The following CES5A variants were observed in gnomAD, a reference collection of about 807,000 sequenced individuals.
CES5A encodes the protein carboxylesterase 5A, also known as carboxylesterase 5.
In CES5A, 67 loss-of-function variants were observed where a neutral mutation model predicts 62.9. That is an observed-to-expected ratio of 1.07 (90% CI 0.88 to 1.31). The LOEUF is 1.31. CES5A is among the 50% of genes most tolerant of loss of function. The probability of loss-of-function intolerance (pLI) is 0.00; values close to 1 mark genes in which losing one functional copy is unlikely to be tolerated. For missense variants in CES5A, 748 were observed against 708.5 expected (o/e 1.06, Z -0.63); for synonymous variants, 296 against 280.8 (o/e 1.05, Z -0.54).
At chr16:55,873,765 G>T in intron 2 of CES5A, 68 bp downstream of exon 2, 2 of 1,382,112 alleles carry the variant, frequency 1.4e-6, no homozygotes, top group Non-Finnish European at 2.0e-6. Context: ...TTCACACTGG[G>T]CTGCATGACC....
intron 1 of CES5A, among the ~76,000 whole-genome samples, chr16:55,911,886 G>C (rs1263708347): frequency 3.3e-5 from 5 of 152,182 alleles, no homozygotes; most frequent in African/African-American, 1.2e-4. Context: ...ACCCAGACCA[G>C]TGCCTATGGG....
intron 9 of CES5A, among the ~76,000 whole-genome samples, chr16:55,855,335 G>A (rs1301992159): frequency 6.6e-6 from 1 of 152,236 alleles, no homozygotes; most frequent in African/African-American, 2.4e-5. Flanking sequence ...AGAAAAGAAA[G>A]GAAGGAAAAC....
At chr16:55,880,179 T>A (rs1388003091), upstream of CES5A, among the ~76,000 whole-genome samples, 1 of 152,172 alleles carries the variant, frequency 6.6e-6, no homozygotes, top group Non-Finnish European at 1.5e-5. Context: ...TGGACAGTAG[T>A]GTGCAGGCCC....
rs377427065 is a variant in CES5A, at chr16:55,857,676, A to C, written c.1057-1231T>G. On this transcript the variant is annotated intron_variant, in intron 8 of 12. Transcript: ENST00000290567. ...GGGGTTTAACTGCAAATTCACATGG[A>C]ATTTCAGCACCCACACAGGCTTTTG... 3.0e-4 allele frequency among the ~76,000 whole-genome samples: 46 copies of C among 152,316 alleles called. 1 individual carries two copies. The South Asian group carries it at 9.3e-3, about 31-fold the overall frequency.
At chr16:55,916,779 C>T (rs1270066023) in intron 1 of CES5A, among the ~76,000 whole-genome samples, 4 of 152,218 alleles carry the variant, frequency 2.6e-5, no homozygotes, top group Non-Finnish European at 5.9e-5. Flanking sequence ...CTCCTGCTGC[C>T]TAGTCAGGAA....
intron 1 of CES5A, among the ~76,000 whole-genome samples, chr16:55,905,649 C>T (rs1275339221): frequency 3.9e-5 from 6 of 151,996 alleles, no homozygotes; most frequent in African/African-American, 2.4e-5. Context: ...CATGAGCCAC[C>T]GTGCCTGGCC....
chr16:55,924,681 C>A (rs115597517), intron 1 of CES5A, among the ~76,000 whole-genome samples: 1 of 151,970 alleles, frequency 6.6e-6, no homozygotes, highest in Non-Finnish European at 1.5e-5. Flanking sequence ...TATTTCAAAG[C>A]AATTGTAACT....
At chr16:55,848,249 T>C (rs530002998) in intron 11 of CES5A, among the ~76,000 whole-genome samples, 58 of 152,174 alleles carry the variant, frequency 3.8e-4, no homozygotes, top group Non-Finnish European at 6.8e-4. Context: ...GGACTACAGG[T>C]GTGTGCCACC....
At chr16:55,906,825 G>A (rs1320454697) in intron 1 of CES5A, among the ~76,000 whole-genome samples, 7 of 152,192 alleles carry the variant, frequency 4.6e-5, no homozygotes, top group Admixed American at 3.9e-4. Context: ...TAAAAGCTGC[G>A]AGTCCTGAGC....
intron 8 of CES5A, among the ~76,000 whole-genome samples, chr16:55,857,967 G>T (rs1291309000): frequency 3.9e-5 from 6 of 152,192 alleles, no homozygotes; most frequent in Non-Finnish European, 8.8e-5. Context: ...GGCCAAAGCA[G>T]GTGGATCACT....
At chr16:55,924,047 T>A (rs1463445949) in intron 1 of CES5A, among the ~76,000 whole-genome samples, 1 of 151,924 alleles carries the variant, frequency 6.6e-6, no homozygotes. Context: ...TTCAGTATAG[T>A]ACTGAAAGCC....
At chr16:55,869,496 G>A in intron 4 of CES5A, 115 bp downstream of exon 4, 5 of 1,400,762 alleles carry the variant, frequency 3.6e-6, no homozygotes, top group Non-Finnish European at 4.7e-6. Context: ...ATTAGGGCCA[G>A]TTTTGTTCAT....
chr16:55,915,965 T>C (rs931449907), intron 1 of CES5A, among the ~76,000 whole-genome samples: 10 of 152,282 alleles, frequency 6.6e-5, no homozygotes, highest in Admixed American at 2.0e-4. Flanking sequence ...AACCAGACAG[T>C]GGCATTGCAA....
intron 2 of CES5A, among the ~76,000 whole-genome samples, chr16:55,933,366 T>G (rs1202142088): frequency 6.6e-6 from 1 of 152,218 alleles, no homozygotes; most frequent in African/African-American, 2.4e-5. Flanking sequence ...TGATCTGACT[T>G]GTTGATAGAT....
At chr16:55,852,055 G>T (rs1420212) in intron 10 of CES5A, among the ~76,000 whole-genome samples, 106,937 of 151,448 alleles carry the variant, frequency 0.71, 37,833 homozygotes, top group East Asian at 0.77. Flanking sequence ...GGGGAAGGAA[G>T]GGTGGGGAGT....
chr16:55,911,846 G>A (rs368520336), intron 1 of CES5A, among the ~76,000 whole-genome samples: 17 of 152,292 alleles, frequency 1.1e-4, no homozygotes, highest in African/African-American at 3.8e-4. Context: ...CCTCCTCTGA[G>A]CCAGCTACCT....
chr16:55,867,089 TAG>T (rs1421279257), intron 4 of CES5A, among the ~76,000 whole-genome samples: 1 of 152,112 alleles, frequency 6.6e-6, no homozygotes, highest in African/African-American at 2.4e-5. Context: ...GAGGGTGGGC[TAG>T]AGAGAGACTG....
At chr16:55,935,619 C>T (rs1411904068) in intron 2 of CES5A, among the ~76,000 whole-genome samples, 1 of 152,214 alleles carries the variant, frequency 6.6e-6, no homozygotes. Flanking sequence ...TAAAGAACCA[C>T]CTCTTCCTAC....
At position 55,875,345 on chromosome 16, in the gene CES5A, G is replaced by C; in HGVS notation, c.-124C>G. 3.4e-6 allele frequency: 5 copies of C among 1,489,414 alleles called. No individual in the cohort carries two copies. The highest frequency in any genetic ancestry group is 4.4e-6 in the Non-Finnish European group (5 of 1,123,916). 92.3% of individuals were successfully genotyped at this position (1,489,414 alleles called of 1,614,324 possible). A position where few individuals can be genotyped will look rare whatever the true frequency, so the allele number is the denominator to read the frequency against. Reference sequence around the variant, plus strand: ...GCTGAATAGGCAGGCAGAGGCAGCAGAGTTACTGAAGATCAGCATCAGAAC... The same window carrying C: ...GCTGAATAGGCAGGCAGAGGCAGCACAGTTACTGAAGATCAGCATCAGAAC... On this transcript the variant is annotated 5_prime_UTR_variant, in exon 1 of 13. Coordinates refer to ENST00000290567, the MANE Select transcript of CES5A (RefSeq NM_001143685.2).
Sources: allele counts gnomAD v4.1 joint callset (sites outside exome capture counted in the v4.1 genomes callset), GRCh38; gene constraint gnomAD v4.1.1; transcripts MANE v1.5; gene names NCBI Gene and HGNC (gene_info 2026-07-23, HGNC 2026-07-21).